Variants in DLGAP2 observed in about 807,000 individuals in gnomAD.
The protein encoded by DLGAP2 is disks large-associated protein 2.
DLGAP2 carries 26 observed loss-of-function variants against 100.3 expected under a neutral mutation model. The ratio of observed to expected loss-of-function variants is 0.26; its 90% CI spans 0.19 to 0.36. The LOEUF is 0.36. DLGAP2 is among the 10% of genes least tolerant of loss of function. The pLI is 1.00. For missense variants in DLGAP2, 1,858 were observed against 1,453.2 expected, an observed-to-expected ratio of 1.28 and a Z score of -4.53; for synonymous variants, 886 against 630.1, an observed-to-expected ratio of 1.41 and a Z score of -6.08.
chr8:1,501,743 C>T (rs1025531723), intron 4 of DLGAP2, among the ~76,000 whole-genome samples: 1 of 152,192 alleles, frequency 6.6e-6, no homozygotes, highest in South Asian at 2.1e-4. Context: ...ATATTCTAAG[C>T]AAACTCAGGA....
rs533736360 is a variant in DLGAP2, at chr8:1,105,968, G to T, written c.74-152883G>T. On this transcript the variant is annotated intron_variant, in intron 2 of 14. Coordinates refer to ENST00000637795, the MANE Select transcript of DLGAP2 (RefSeq NM_001346810.2). ...TATTGAAGGGAACCATTCTAGGAGG[G>T]TTTTCTATTGAAGGAGGCCATTCTA... 6.3e-4 allele frequency among the ~76,000 whole-genome samples: 93 copies of T among 147,550 alleles called. No individual in the cohort carries two copies. The South Asian group carries it at 8.6e-3, about 14-fold the overall frequency.
chr8:1,219,174 T>G (rs1798270046), intron 2 of DLGAP2, among the ~76,000 whole-genome samples: 1 of 152,106 alleles, frequency 6.6e-6, no homozygotes, highest in Non-Finnish European at 1.5e-5. Context: ...AGAAGTAGTG[T>G]GAGAGGGCAT....
At chr8:973,013 C>T (rs111654753) in intron 2 of DLGAP2, among the ~76,000 whole-genome samples, 3,454 of 152,354 alleles carry the variant, frequency 0.023, 153 homozygotes, top group African/African-American at 0.08. Context: ...CCTATGTCTA[C>T]TTCTTTCTAC....
At chr8:1,424,792 A>C (rs527854496) in intron 3 of DLGAP2, among the ~76,000 whole-genome samples, 1 of 152,318 alleles carries the variant, frequency 6.6e-6, no homozygotes, top group Non-Finnish European at 1.5e-5. Context: ...GAATAGGACA[A>C]GGACAGTATG....
At chr8:1,119,698 G>A (rs1795991881) in intron 2 of DLGAP2, among the ~76,000 whole-genome samples, 1 of 152,214 alleles carries the variant, frequency 6.6e-6, no homozygotes, top group South Asian at 2.1e-4. Flanking sequence ...TTGAATTTAA[G>A]TATCCCCAGG....
intron 6 of DLGAP2, among the ~76,000 whole-genome samples, chr8:1,623,359 T>C (rs1797398172): frequency 7.0e-6 from 1 of 141,990 alleles, no homozygotes; most frequent in South Asian, 2.4e-4. Context: ...GACCTGTGCG[T>C]GATGACCTGG....
chr8:1,527,593 A>C (rs570770480), intron 4 of DLGAP2, among the ~76,000 whole-genome samples: 1 of 152,188 alleles, frequency 6.6e-6, no homozygotes, highest in Admixed American at 6.5e-5. Flanking sequence ...AAAAGTTTCT[A>C]TTTTTCCTAA....
chr8:778,251 AT>A (rs1425626503), intron 1 of DLGAP2, among the ~76,000 whole-genome samples: 2 of 151,682 alleles, frequency 1.3e-5, no homozygotes, highest in African/African-American at 2.4e-5. Context: ...ATTCTTCTAA[AT>A]TTTTTTCAAA....
chr8:785,974 C>T (rs929688742), intron 1 of DLGAP2, among the ~76,000 whole-genome samples: 8 of 152,320 alleles, frequency 5.3e-5, no homozygotes, highest in African/African-American at 2.4e-5. Flanking sequence ...ATATCACGTA[C>T]CCCGTGGAGG....
At chr8:1,028,397 G>T (rs1394658809) in intron 2 of DLGAP2, among the ~76,000 whole-genome samples, 2 of 145,688 alleles carry the variant, frequency 1.4e-5, no homozygotes, top group Admixed American at 6.8e-5. Context: ...CTCCAGGTCG[G>T]GTGTCAGGCG....
intron 1 of DLGAP2, among the ~76,000 whole-genome samples, chr8:794,027 G>T (rs1353084816): frequency 6.6e-6 from 1 of 151,966 alleles, no homozygotes; most frequent in Non-Finnish European, 1.5e-5. Context: ...GCTGCAGGAT[G>T]GGGTCCCTGG....
At position 1,046,981 on chromosome 8, in the gene DLGAP2, C is replaced by G. The variant is rs1585011055; in HGVS notation, c.73+139015C>G. 2.6e-5 allele frequency among the ~76,000 whole-genome samples: 4 copies of G among 151,988 alleles called. No individual in the cohort carries two copies. In the South Asian group the frequency reaches 8.3e-4, roughly 32 times the overall value. Reference sequence around the variant, plus strand: ...TAATAGGTTTTTTTTAATAATACAGCTTTATTGAGACATAATTCACATACC... The same window carrying G: ...TAATAGGTTTTTTTTAATAATACAGGTTTATTGAGACATAATTCACATACC... On this transcript the variant is annotated intron_variant, in intron 2 of 14. Transcript: ENST00000637795.
intron 3 of DLGAP2, among the ~76,000 whole-genome samples, chr8:1,343,407 C>T (rs1013851227): frequency 2.0e-5 from 3 of 152,100 alleles, no homozygotes; most frequent in African/African-American, 4.8e-5. Flanking sequence ...CTGGGGTTTT[C>T]TTGGGGTCCA....
intron 3 of DLGAP2, among the ~76,000 whole-genome samples, chr8:1,328,562 G>T (rs1167729308): frequency 6.6e-6 from 1 of 152,080 alleles, no homozygotes; most frequent in Non-Finnish European, 1.5e-5. Context: ...TGTTGGCCAG[G>T]CTGGTCTTGA....
At chr8:1,407,871 A>G (rs111433894) in intron 3 of DLGAP2, among the ~76,000 whole-genome samples, 1,526 of 144,896 alleles carry the variant, frequency 0.011, 35 homozygotes, top group African/African-American at 0.037. Context: ...CTTACTGAGC[A>G]CCACCTCCTT....
At chr8:1,415,356 T>G (rs977610501) in intron 3 of DLGAP2, among the ~76,000 whole-genome samples, 1 of 152,206 alleles carries the variant, frequency 6.6e-6, no homozygotes, top group African/African-American at 2.4e-5. Context: ...TTGGCAAGTT[T>G]GTTACATGGA....
At chr8:1,009,317 A>G (rs1801210681) in intron 2 of DLGAP2, among the ~76,000 whole-genome samples, 2 of 152,236 alleles carry the variant, frequency 1.3e-5, no homozygotes, top group African/African-American at 4.8e-5. Context: ...CCATTTTATT[A>G]GAACATTTCA....
chr8:1,409,693 C>T (rs756559142), intron 3 of DLGAP2, among the ~76,000 whole-genome samples: 2 of 152,136 alleles, frequency 1.3e-5, no homozygotes, highest in Non-Finnish European at 2.9e-5. Flanking sequence ...AAAGCAGACC[C>T]CACCCCAGTG....
intron 3 of DLGAP2, among the ~76,000 whole-genome samples, chr8:1,268,155 G>T (rs994940956): frequency 4.6e-5 from 7 of 152,090 alleles, no homozygotes; most frequent in Non-Finnish European, 8.8e-5. Flanking sequence ...CAATATCAGA[G>T]GTTCAGGTAT....
Sources: gnomAD v4.1 joint callset for allele counts (sites outside exome capture counted in the v4.1 genomes callset) on GRCh38, gnomAD v4.1.1 for gene constraint, MANE v1.5 for transcripts, NCBI Gene and HGNC (gene_info 2026-07-23, HGNC 2026-07-21) for gene names.